Variants in CD274 observed in about 807,000 individuals in gnomAD.
CD274 encodes programmed cell death 1 ligand 1.
Under a neutral mutation model 30.1 loss-of-function variants are expected in CD274, and 8 were observed. That is an observed-to-expected ratio of 0.27 (90% CI 0.16 to 0.48). The LOEUF (loss-of-function observed/expected upper bound fraction) is 0.48, where lower values mean the gene tolerates loss of function less well. Ranked by LOEUF, CD274 falls within the 20% of genes least tolerant of loss-of-function variation. The pLI is 0.99. For missense variants in CD274, 353 were observed against 346.6 expected (o/e 1.02, Z -0.15); for synonymous variants, 152 against 124.6 (o/e 1.22, Z -1.46).
intron 4 of CD274, among the ~76,000 whole-genome samples, chr9:5,463,594 T>C (rs1563805227): frequency 2.0e-5 from 3 of 152,220 alleles, no homozygotes; most frequent in Non-Finnish European, 4.4e-5. Flanking sequence ...AAATGGAACA[T>C]ATTTTTCTAT....
At chr9:5,462,694 C>A (rs77204029) in intron 3 of CD274, 140 bp from the exon 4 acceptor site, 5 of 695,674 alleles carry the variant, frequency 7.2e-6, no homozygotes, top group South Asian at 2.1e-5. Context: ...GTGTTCCCCA[C>A]GGCTGAGGCA....
At position 5,469,033 on chromosome 9, in the gene CD274, C is replaced by T. The variant is rs943773099; in HGVS notation, c.*1171C>T. ...CCAGTGTCATAGCATAAGGATGATGCGAGGGGAAAACCCGAGCAGTGTTGC... is the reference window on the plus strand; with the variant it reads ...CCAGTGTCATAGCATAAGGATGATGTGAGGGGAAAACCCGAGCAGTGTTGC... On this transcript the variant is annotated 3_prime_UTR_variant, in exon 7 of 7. Coordinates refer to ENST00000381577, the MANE Select transcript of CD274 (RefSeq NM_014143.4). 1.3e-4 allele frequency: 31 copies of T among 232,806 alleles called. No individual in the cohort carries two copies. The highest frequency in any genetic ancestry group is 5.1e-4 in the African/African-American group (23 of 45,250). 14.4% of individuals were successfully genotyped at this position (232,806 alleles called of 1,614,324 possible).
chr9:5,452,663 C>T (rs1171597236), intron 1 of CD274, among the ~76,000 whole-genome samples: 2 of 152,130 alleles, frequency 1.3e-5, no homozygotes, highest in Non-Finnish European at 2.9e-5. Context: ...AGCTGCACCC[C>T]AAGGAAATGG....
At chr9:5,457,569 A>G (rs539015259) in intron 3 of CD274, 149 bp downstream of exon 3, 73 of 675,022 alleles carry the variant, frequency 1.1e-4, no homozygotes, top group Non-Finnish European at 1.6e-4. Context: ...ATTCATTCAC[A>G]TAATTATCCA....
intron 3 of CD274, among the ~76,000 whole-genome samples, chr9:5,460,492 A>G (rs769795433): frequency 2.0e-5 from 3 of 152,122 alleles, no homozygotes; most frequent in Non-Finnish European, 4.4e-5. Flanking sequence ...GTGTCTTTCA[A>G]TGATGGAATC....
chr9:5,457,445 C>G (rs752090441), intron 3 of CD274, 25 bp downstream of exon 3: 46 of 1,558,480 alleles, frequency 3.0e-5, no homozygotes, highest in Non-Finnish European at 9.7e-6. Context: ...AGATGAGAGG[C>G]CTGATCTTTA....
rs73399112 is a variant in CD274, at chr9:5,457,032, T to G, written c.53-47T>G. 0.015 allele frequency: 20,827 copies of G among 1,352,140 alleles called. 2,470 individuals are homozygous for G. The African/African-American group carries it at 0.26, about 17-fold the overall frequency. 83.8% of individuals were successfully genotyped at this position (1,352,140 alleles called of 1,614,324 possible). A position where few individuals can be genotyped will look rare whatever the true frequency, so the allele number is the denominator to read the frequency against. On this transcript the variant is annotated intron_variant, in intron 2 of 6. Coordinates refer to ENST00000381577, the MANE Select transcript of CD274 (RefSeq NM_014143.4). ...AACGCTGTGCCAATTTTGTAAATGT[T>G]TCGAGGAATTTTCCCTTTTCTGAAG...
Position 5,468,732 on chromosome 9 carries a change from G to C in CD274, c.*870G>C. 4.3e-6 allele frequency: 1 copy of C among 232,946 alleles called. No homozygotes were observed. The highest frequency in any genetic ancestry group is 8.5e-6 in the Non-Finnish European group (1 of 117,888). 14.4% of individuals were successfully genotyped at this position (232,946 alleles called of 1,614,324 possible). A position where few individuals can be genotyped will look rare whatever the true frequency, so the allele number is the denominator to read the frequency against. On this transcript the variant is annotated 3_prime_UTR_variant, in exon 7 of 7. Transcript: ENST00000381577. The stretch of plus-strand genomic sequence containing the variant: ...GATAACCACTATTATTTTACCCATC[G>C]TACAGCTGAGGAAGCAAACAGATTA...
chr9:5,463,663 T>C lies in CD274; in HGVS notation c.682+542T>C, dbSNP rs150458219. ...GTGCCTCTCCCAAGGTAGTCTACAA[T>C]ATTTCAACTCTAGCAGTCTGCTTAG... On this transcript the variant is annotated intron_variant, in intron 4 of 6. Coordinates refer to ENST00000381577, the MANE Select transcript of CD274 (RefSeq NM_014143.4). 4.4e-4 allele frequency among the ~76,000 whole-genome samples: 67 copies of C among 152,300 alleles called. No individual in the cohort carries two copies. In the East Asian group the frequency reaches 0.012, roughly 28 times the overall value.
At chr9:5,455,420 T>C (rs1276834628) in intron 1 of CD274, among the ~76,000 whole-genome samples, 1 of 152,222 alleles carries the variant, frequency 6.6e-6, no homozygotes, top group African/African-American at 2.4e-5. Context: ...TCTAGGCAGA[T>C]ACTCTGGAAG....
At chr9:5,453,717 GA>G (rs1357695579) in intron 1 of CD274, among the ~76,000 whole-genome samples, 1 of 152,276 alleles carries the variant, frequency 6.6e-6, no homozygotes, top group African/African-American at 2.4e-5. Context: ...AGATTACAGG[GA>G]AAAAAATTGA....
rs2131232995 is a variant in CD274 at position 5,466,803 on chromosome 9, A to C, written c.824A>C (p.Gln275Pro). The change falls in exon 6 of 7, where the codon CAA (glutamine) becomes CCA (proline). Residue 275 changes from glutamine (Q) to proline (P), a missense_variant. Transcript: ENST00000381577. ...ATGGATGTGAAAAAATGTGGCATCCAAGATACAAACTCAAAGAAGCAAAGT... is the reference window on the plus strand; with the variant it reads ...ATGGATGTGAAAAAATGTGGCATCCCAGATACAAACTCAAAGAAGCAAAGT... Reference protein sequence around the residue: ...RMMDVKKCGIQDTNSKKQSDT... With the variant: ...RMMDVKKCGIPDTNSKKQSDT... The C allele has an allele frequency of 1.2e-6, 2 of 1,611,670 alleles. No homozygotes were observed. The highest frequency in any genetic ancestry group is 1.7e-6 in the Non-Finnish European group (2 of 1,179,030).
At chr9:5,464,130 A>T (rs1330669515) in intron 4 of CD274, among the ~76,000 whole-genome samples, 1 of 152,132 alleles carries the variant, frequency 6.6e-6, no homozygotes, top group African/African-American at 2.4e-5. Context: ...GGGGGAAAAA[A>T]CTTTAGAAAA....
rs578250681 is a variant in CD274, at chr9:5,468,615, G to T, written c.*753G>T. 1.4e-4 allele frequency: 32 copies of T among 233,026 alleles called. No individual in the cohort carries two copies. Among genetic ancestry groups the T allele is most frequent in the African/African-American group, 7.0e-4 (32 of 45,440 alleles). 14.4% of individuals were successfully genotyped at this position (233,026 alleles called of 1,614,324 possible). On this transcript the variant is annotated 3_prime_UTR_variant, in exon 7 of 7. Coordinates refer to ENST00000381577, the MANE Select transcript of CD274 (RefSeq NM_014143.4). ...TCTTATTCTCAGACCTCAAGTGTCT[G>T]TGCAGTATCTGTTCCATTTAAATAT... is the stretch of plus-strand genomic sequence containing the variant.
Position 5,466,810 on chromosome 9 carries a change from A to C in CD274, c.831A>C (p.Thr277=). Residue 277 remains threonine, a synonymous_variant, in exon 6 of 7, where the codon ACA becomes ACC. Coordinates refer to ENST00000381577, the MANE Select transcript of CD274 (RefSeq NM_014143.4). The stretch of plus-strand genomic sequence containing the variant: ...TGAAAAAATGTGGCATCCAAGATAC[A>C]AACTCAAAGAAGCAAAGTGGTAAGA... ...MDVKKCGIQD[T]NSKKQSDTHL... 2 of 1,611,216 alleles carry C rather than the reference A, an allele frequency of 1.2e-6. No individual in the cohort carries two copies. The highest frequency in any genetic ancestry group is 1.7e-6 in the Non-Finnish European group (2 of 1,178,646).
rs1819569243 is a variant in CD274 at position 5,470,329 on chromosome 9, ACTC to A, written c.*2473_*2475del. On this transcript the variant is annotated 3_prime_UTR_variant, in exon 7 of 7. Transcript: ENST00000381577. The stretch of plus-strand genomic sequence containing the variant: ...CTACTCAGTCTATTCCTAAGTCCTA[ACTC>A]CTCCTTGTGGTGTTGGATTTGTAAG... 4.3e-6 allele frequency: 1 copy of A among 232,022 alleles called. No individual in the cohort carries two copies. Among genetic ancestry groups the A allele is most frequent in the South Asian group, 1.8e-4 (1 of 5,480 alleles). The allele number at this position is 232,022 out of a possible 1,614,324, so 14.4% of individuals were successfully genotyped here. A position where few individuals can be genotyped will look rare whatever the true frequency, so the allele number is the denominator to read the frequency against.
In CD274 at chr9:5,457,429, T is replaced by A. The variant is rs2131213094; in HGVS notation, c.394+9T>A. 21 of 1,605,796 alleles carry A rather than the reference T, an allele frequency of 1.3e-5. No individual in the cohort carries two copies. Among genetic ancestry groups the A allele is most frequent in the Non-Finnish European group, 1.8e-5 (21 of 1,172,784 alleles). ...TACTGTGAAAGTCAATGGTAAGAATTATTATAGATGAGAGGCCTGATCTTT... is the reference window on the plus strand; with the variant it reads ...TACTGTGAAAGTCAATGGTAAGAATAATTATAGATGAGAGGCCTGATCTTT... On this transcript the variant is annotated intron_variant, in intron 3 of 6. Coordinates refer to ENST00000381577, the MANE Select transcript of CD274 (RefSeq NM_014143.4).
At chr9:5,452,529 A>G (rs1354986427) in intron 1 of CD274, among the ~76,000 whole-genome samples, 2 of 152,198 alleles carry the variant, frequency 1.3e-5, no homozygotes, top group Non-Finnish European at 2.9e-5. Flanking sequence ...CATAATTCTT[A>G]CCTGAAGAAG....
intron 1 of CD274, 50 bp from the exon 2 acceptor site, chr9:5,456,050 T>G (rs1394310440): frequency 1.0e-6 from 1 of 996,524 alleles, no homozygotes; most frequent in Non-Finnish European, 1.6e-6. Context: ...TCATATTGTA[T>G]GTTTAATTAT....
Sources: allele counts gnomAD v4.1 joint callset (sites outside exome capture counted in the v4.1 genomes callset), GRCh38; gene constraint gnomAD v4.1.1; transcripts MANE v1.5; gene names NCBI Gene and HGNC (gene_info 2026-07-23, HGNC 2026-07-21).